Variants in BCAT1 observed in about 807,000 individuals in gnomAD.
BCAT1 encodes the protein branched-chain-amino-acid aminotransferase, cytosolic.
A neutral mutation model predicts 52.4 loss-of-function variants in BCAT1; 48 were observed. The observed-to-expected ratio is 0.92, with a 90% CI of 0.73 to 1.16. The LOEUF (loss-of-function observed/expected upper bound fraction) is 1.16. Among genes scored for constraint, BCAT1 ranks in the 50% most tolerant of loss-of-function variants. BCAT1 has a pLI of 0.00. For synonymous variants in BCAT1, 167 were observed against 161.3 expected (o/e 1.04, Z -0.27); for missense variants, 451 against 457.1 (o/e 0.99, Z 0.12).
chr12:24,921,419 A>C (rs907460499), intron 1 of BCAT1, among the ~76,000 whole-genome samples: 1 of 152,202 alleles, frequency 6.6e-6, no homozygotes, highest in African/African-American at 2.4e-5. Flanking sequence ...AGATGTTCAG[A>C]CTTGGTGTGA....
chr12:24,866,763 A>G (rs1404731863), intron 5 of BCAT1, among the ~76,000 whole-genome samples: 3 of 152,172 alleles, frequency 2.0e-5, no homozygotes, highest in Non-Finnish European at 2.9e-5. Flanking sequence ...TGTCTAGCTC[A>G]GGGATTGTAA....
Position 24,849,855 on chromosome 12 carries a change from A to C in BCAT1, c.605T>G (p.Val202Gly). 1 of 1,613,798 alleles carries C rather than the reference A, an allele frequency of 6.2e-7. No homozygotes were observed. Among genetic ancestry groups the C allele is most frequent in the Non-Finnish European group, 8.5e-7 (1 of 1,179,768 alleles). The change falls in exon 6 of 11, where the codon GTG becomes GGG. Residue 202 changes from valine (V) to glycine (G), a missense_variant. Val to Gly is a moderately radical substitution (Grantham distance 109, BLOSUM62 -3). Coordinates refer to ENST00000261192, the MANE Select transcript of BCAT1 (RefSeq NM_005504.7). ...ATACTTGGGATTGGCCCACAGGGAC[A>C]CTGGATTAAAGGTTCCACTTGAAAA... Reference protein sequence around the residue: ...PYFSSGTFNPVSLWANPKYVR... With the variant: ...PYFSSGTFNPGSLWANPKYVR...
chr12:24,820,988 G>C (rs1035335400), intron 10 of BCAT1, among the ~76,000 whole-genome samples: 1 of 152,168 alleles, frequency 6.6e-6, no homozygotes, highest in Non-Finnish European at 1.5e-5. Flanking sequence ...GCAAAGCTTT[G>C]TAATCCTGTA....
intron 5 of BCAT1, among the ~76,000 whole-genome samples, chr12:24,860,741 A>T (rs2139515223): frequency 6.6e-6 from 1 of 152,312 alleles, no homozygotes. Flanking sequence ...ATTCCTTTAC[A>T]GGGTTCCTGA....
At chr12:24,867,735 T>C (rs1251034640) in intron 5 of BCAT1, among the ~76,000 whole-genome samples, 1 of 152,214 alleles carries the variant, frequency 6.6e-6, no homozygotes, top group Non-Finnish European at 1.5e-5. Context: ...AGCTGGCTGG[T>C]GGCTCACACC....
At chr12:24,884,186 A>G (rs10771139) in intron 3 of BCAT1, among the ~76,000 whole-genome samples, 27,421 of 152,246 alleles carry the variant, frequency 0.18, 2,528 homozygotes, top group East Asian at 0.23. Flanking sequence ...AGAAAATTCC[A>G]TCATTTACAA....
chr12:24,910,561 G>A (rs191872580), intron 1 of BCAT1, among the ~76,000 whole-genome samples: 1 of 152,024 alleles, frequency 6.6e-6, no homozygotes, highest in Non-Finnish European at 1.5e-5. Context: ...CAAAAATAGG[G>A]ATAAAAGGGT....
chr12:24,825,991 C>T (rs1815178863), intron 10 of BCAT1, among the ~76,000 whole-genome samples: 1 of 152,098 alleles, frequency 6.6e-6, no homozygotes, highest in African/African-American at 2.4e-5. Context: ...ACAGGAGGAT[C>T]CCTTGAGTTC....
chr12:24,919,895 G>T (rs576323969), intron 1 of BCAT1, among the ~76,000 whole-genome samples: 1 of 152,100 alleles, frequency 6.6e-6, no homozygotes, highest in Admixed American at 6.5e-5. Context: ...AACCCCTTTC[G>T]CTTGGTTCTC....
intron 5 of BCAT1, among the ~76,000 whole-genome samples, chr12:24,867,972 T>C (rs1002038564): frequency 6.6e-6 from 1 of 152,102 alleles, no homozygotes; most frequent in Non-Finnish European, 1.5e-5. Flanking sequence ...ACCACTGCAC[T>C]CCAGCCTGGG....
chr12:24,894,847 C>G lies in BCAT1; in HGVS notation c.79-372G>C, dbSNP rs369122711. Reference sequence around the variant, plus strand: ...AGATGTTTTCCCTAATAAAAAATGGCAACACTCACAATGATTTGTTAAACT... The same window carrying G: ...AGATGTTTTCCCTAATAAAAAATGGGAACACTCACAATGATTTGTTAAACT... On this transcript the variant is annotated intron_variant, in intron 2 of 10. Transcript: ENST00000261192. 4.3e-4 allele frequency among the ~76,000 whole-genome samples: 66 copies of G among 152,266 alleles called. 1 individual carries two copies. In the South Asian group the frequency reaches 0.013, roughly 31 times the overall value.
At chr12:24,842,478 TAGA>T (rs1941205591) in intron 6 of BCAT1, among the ~76,000 whole-genome samples, 1 of 150,200 alleles carries the variant, frequency 6.7e-6, no homozygotes, top group African/African-American at 2.5e-5. Context: ...AATGTAATGA[TAGA>T]AGAACACAGG....
chr12:24,857,459 T>A (rs917899291), intron 5 of BCAT1, among the ~76,000 whole-genome samples: 1 of 150,338 alleles, frequency 6.7e-6, no homozygotes, highest in Admixed American at 6.6e-5. Flanking sequence ...GTCAGCTTAA[T>A]TAAAAGTGAT....
intron 1 of BCAT1, among the ~76,000 whole-genome samples, chr12:24,942,116 T>C (rs892981086): frequency 8.5e-5 from 13 of 152,110 alleles, no homozygotes; most frequent in South Asian, 2.1e-4. Context: ...TGGGAGACTT[T>C]TGGAATAATT....
intron 5 of BCAT1, among the ~76,000 whole-genome samples, chr12:24,874,808 A>C (rs1473324752): frequency 2.0e-5 from 3 of 152,244 alleles, no homozygotes; most frequent in Non-Finnish European, 4.4e-5. Context: ...CTATAAACAC[A>C]GCAACTACCA....
rs1942409456 is a variant in BCAT1 at position 24,878,557 on chromosome 12, A to G, written c.483T>C (p.Tyr161=). 6.2e-7 allele frequency: 1 copy of G among 1,612,372 alleles called. No homozygotes were observed. Among genetic ancestry groups the G allele is most frequent in the Admixed American group, 1.7e-5 (1 of 59,766 alleles). The part of the protein sequence containing the change: ...WVPYSTSASL[Y]IRPTFIGTEP... ...CAGTTCCAATGAATGTAGGACGAAT[A>G]TACAGACTAGCAGATGTTGAATATG... is the stretch of plus-strand genomic sequence containing the variant. The change falls in exon 5 of 11, where the codon TAT becomes TAC. Residue 161 remains tyrosine, a synonymous_variant. Coordinates refer to ENST00000261192, the MANE Select transcript of BCAT1 (RefSeq NM_005504.7).
At chr12:24,828,132 C>A (rs910012122) in intron 10 of BCAT1, among the ~76,000 whole-genome samples, 1 of 152,184 alleles carries the variant, frequency 6.6e-6, no homozygotes, top group African/African-American at 2.4e-5. Flanking sequence ...CTTTAAGTTT[C>A]ACTTAGTTTC....
In BCAT1 at chr12:24,918,103, C is replaced by A. The variant is rs983964690; in HGVS notation, c.7-16218G>T. On this transcript the variant is annotated intron_variant, in intron 1 of 10. Coordinates refer to ENST00000261192, the MANE Select transcript of BCAT1 (RefSeq NM_005504.7). Reference sequence around the variant, plus strand: ...CTGTGGGTTCACCTGTATTCTCAGGCAAACTACTAGGATGAAACTCCCCAC... The same window carrying A: ...CTGTGGGTTCACCTGTATTCTCAGGAAAACTACTAGGATGAAACTCCCCAC... Among the ~76,000 whole-genome samples the A allele has an allele frequency of 1.2e-4, 18 of 152,288 alleles. 1 individual carries two copies. The highest frequency in any genetic ancestry group is 4.3e-4 in the African/African-American group (18 of 41,578).
At chr12:24,836,154 C>A (rs939814963) in intron 8 of BCAT1, among the ~76,000 whole-genome samples, 6 of 152,168 alleles carry the variant, frequency 3.9e-5, no homozygotes, top group Non-Finnish European at 5.9e-5. Context: ...GTATCATTGC[C>A]ATTTGGAAGC....
Sources: allele counts gnomAD v4.1 joint callset (sites outside exome capture counted in the v4.1 genomes callset), GRCh38; gene constraint gnomAD v4.1.1; transcripts MANE v1.5; gene names NCBI Gene and HGNC (gene_info 2026-07-23, HGNC 2026-07-21).